The following NFXL1 variants were observed in gnomAD, a reference collection of about 807,000 sequenced individuals.
NFXL1 encodes the protein NF-X1-type zinc finger protein NFXL1.
NFXL1 carries 66 observed loss-of-function variants against 123.3 expected under a neutral mutation model. That is an observed-to-expected ratio of 0.54 (90% CI 0.44 to 0.66). NFXL1 has a LOEUF of 0.66. Among genes scored for constraint, NFXL1 ranks in the 30% least tolerant of loss-of-function variants. The probability of loss-of-function intolerance (pLI) is 0.00; values close to 1 mark genes in which losing one functional copy is unlikely to be tolerated. For synonymous variants in NFXL1, 346 were observed against 360.8 expected, an observed-to-expected ratio of 0.96 and a Z score of 0.46; for missense variants, 944 against 1,125.6, an observed-to-expected ratio of 0.84 and a Z score of 2.31.
intron 22 of NFXL1, among the ~76,000 whole-genome samples, chr4:47,849,961 T>A (rs969216708): frequency 5.9e-5 from 9 of 152,098 alleles, no homozygotes; most frequent in South Asian, 2.1e-4. Flanking sequence ...TATTTTTTTT[T>A]TTTTTTACTT....
Position 47,879,113 on chromosome 4 carries a change from A to AT in NFXL1, c.1920dup (p.Cys641MetfsTer6). 7.3e-7 allele frequency: 1 copy of AT among 1,362,242 alleles called. No individual in the cohort carries two copies. Among genetic ancestry groups the AT allele is most frequent in the South Asian group, 1.5e-5 (1 of 66,538 alleles). The allele number at this position is 1,362,242 out of a possible 1,614,324, so 84.4% of individuals were successfully genotyped here. Reference sequence around the variant, plus strand: ...TAACTTACCTCATGTTTCCCAAGACATTCCCTACAAGGAAAAAATAAAATA... The same window carrying AT: ...TAACTTACCTCATGTTTCCCAAGACATTTCCCTACAAGGAAAAAATAAAATA... On this transcript the variant is annotated frameshift_variant, in exon 16 of 23. Coordinates refer to ENST00000507489, the MANE Select transcript of NFXL1 (RefSeq NM_001278624.2). LOFTEE classifies it high-confidence loss of function.
Position 47,848,034 on chromosome 4 carries a change from C to A in NFXL1, c.*129G>T. ...AAAGTTTAACATTCTGTCCTTCTAACAACAGCTGAGAGAATACAGAGATGA... is the reference window on the plus strand; with the variant it reads ...AAAGTTTAACATTCTGTCCTTCTAAAAACAGCTGAGAGAATACAGAGATGA... On this transcript the variant is annotated 3_prime_UTR_variant, in exon 23 of 23. Coordinates refer to ENST00000507489, the MANE Select transcript of NFXL1 (RefSeq NM_001278624.2). The A allele has an allele frequency of 1.7e-6, 1 of 590,272 alleles. No individual in the cohort carries two copies. Among genetic ancestry groups the A allele is most frequent in the East Asian group, 2.9e-5 (1 of 34,534 alleles). 36.6% of individuals were successfully genotyped at this position (590,272 alleles called of 1,614,324 possible). A position where few individuals can be genotyped will look rare whatever the true frequency, so the allele number is the denominator to read the frequency against.
chr4:47,875,744 T>C (rs1010536237), intron 17 of NFXL1, among the ~76,000 whole-genome samples: 1 of 152,162 alleles, frequency 6.6e-6, no homozygotes, highest in African/African-American at 2.4e-5. Flanking sequence ...CTAAACAGTC[T>C]GGAGGTAATT....
Position 47,890,520 on chromosome 4 carries a change from G to A in NFXL1, c.1543+93C>T, listed in dbSNP as rs1370682381. On this transcript the variant is annotated intron_variant, in intron 12 of 22. Coordinates refer to ENST00000507489, the MANE Select transcript of NFXL1 (RefSeq NM_001278624.2). ...TCAAGTGAGATAATGACTATAAAACGCTATTTCAATACATTATATTGAATA... is the reference window on the plus strand; with the variant it reads ...TCAAGTGAGATAATGACTATAAAACACTATTTCAATACATTATATTGAATA... 5.2e-5 allele frequency: 36 copies of A among 694,630 alleles called. No individual in the cohort carries two copies. In the East Asian group the frequency reaches 6.5e-4, roughly 13 times the overall value. 43.0% of individuals were successfully genotyped at this position (694,630 alleles called of 1,614,324 possible). A position where few individuals can be genotyped will look rare whatever the true frequency, so the allele number is the denominator to read the frequency against.
intron 18 of NFXL1, among the ~76,000 whole-genome samples, chr4:47,863,637 A>G (rs1189426019): frequency 6.6e-6 from 1 of 152,182 alleles, no homozygotes; most frequent in Non-Finnish European, 1.5e-5. Context: ...AGTCAAGATC[A>G]TGACACTGCA....
chr4:47,905,638 C>A (rs1018319720), intron 3 of NFXL1, among the ~76,000 whole-genome samples: 1 of 149,762 alleles, frequency 6.7e-6, no homozygotes. Flanking sequence ...GAAGCAGAGC[C>A]ATAAGCAACA....
chr4:47,911,493 A>T (rs1000792368), intron 2 of NFXL1, among the ~76,000 whole-genome samples: 1 of 152,230 alleles, frequency 6.6e-6, no homozygotes, highest in Non-Finnish European at 1.5e-5. Context: ...AGCCCTACCA[A>T]AGAGTTTGTA....
intron 2 of NFXL1, 40 bp from the exon 3 acceptor site, chr4:47,911,034 T>G (rs1737807616): frequency 1.6e-6 from 2 of 1,272,658 alleles, no homozygotes; most frequent in Non-Finnish European, 1.1e-6. Context: ...CAAAACAATC[T>G]CTCAAAAAGA....
chr4:47,861,637 C>A (rs1257756705), intron 19 of NFXL1, among the ~76,000 whole-genome samples: 1 of 151,188 alleles, frequency 6.6e-6, no homozygotes, highest in African/African-American at 2.4e-5. Flanking sequence ...TTTATTTTAA[C>A]AAGGGAAGTT....
intron 5 of NFXL1, among the ~76,000 whole-genome samples, chr4:47,902,512 T>C (rs924242818): frequency 6.6e-6 from 1 of 152,148 alleles, no homozygotes; most frequent in African/African-American, 2.4e-5. Context: ...ACTGGGAATC[T>C]TATAATCAAA....
At chr4:47,900,199 G>C (rs896746093) in intron 5 of NFXL1, among the ~76,000 whole-genome samples, 2 of 151,912 alleles carry the variant, frequency 1.3e-5, no homozygotes, top group Non-Finnish European at 2.9e-5. Context: ...AGCACAAAAA[G>C]ACATATAATT....
At chr4:47,877,068 T>G in intron 17 of NFXL1, 1 of 1,187,480 alleles carries the variant, frequency 8.4e-7, no homozygotes, top group Non-Finnish European at 1.1e-6. Flanking sequence ...AAATCTTCTA[T>G]TTAAATAACA....
At chr4:47,890,228 A>G (rs2110086474) in intron 12 of NFXL1, among the ~76,000 whole-genome samples, 1 of 152,292 alleles carries the variant, frequency 6.6e-6, no homozygotes, top group East Asian at 1.9e-4. Flanking sequence ...TTAACTACAA[A>G]TAAGTATATA....
At chr4:47,884,538 G>A (rs763527845) in intron 14 of NFXL1, 101 bp from the exon 15 acceptor site, 10 of 642,458 alleles carry the variant, frequency 1.6e-5, no homozygotes, top group Non-Finnish European at 2.7e-5. Context: ...TGCTCAAGCA[G>A]GTTGAAATTT....
At position 47,894,297 on chromosome 4, in the gene NFXL1, C is replaced by T; in HGVS notation, c.1335G>A (p.Val445=). ...RGPCETCRQE[V]EKHCRCGKHT... is the part of the protein sequence containing the mutation. The stretch of plus-strand genomic sequence containing the variant: ...GCTTTCCACAGCGACAATGCTTTTC[C>T]ACTTCCTGGAAGAATAAAAGAAATG... The change falls in exon 11 of 23, where the codon GTG becomes GTA. Residue 445 remains valine (V), a synonymous_variant. Transcript: ENST00000507489. The T allele has an allele frequency of 6.3e-7, 1 of 1,582,250 alleles. No individual in the cohort carries two copies. Among genetic ancestry groups the T allele is most frequent in the South Asian group, 1.2e-5 (1 of 85,132 alleles).
At chr4:47,865,780 C>G (rs533510301) in intron 18 of NFXL1, among the ~76,000 whole-genome samples, 1 of 151,998 alleles carries the variant, frequency 6.6e-6, no homozygotes, top group Non-Finnish European at 1.5e-5. Flanking sequence ...TGCCGGAGGC[C>G]GAGGAAGGTG....
chr4:47,868,795 G>A (rs1315024642), intron 18 of NFXL1, among the ~76,000 whole-genome samples: 1 of 152,120 alleles, frequency 6.6e-6, no homozygotes, highest in Non-Finnish European at 1.5e-5. Flanking sequence ...AAGAATTCAA[G>A]CCAAAAGTAT....
At chr4:47,902,995 A>G (rs1383787459) in intron 5 of NFXL1, among the ~76,000 whole-genome samples, 198 bp downstream of exon 5, 1 of 152,170 alleles carries the variant, frequency 6.6e-6, no homozygotes, top group African/African-American at 2.4e-5. Flanking sequence ...GTCTACTAAA[A>G]ATACAAAAAA....
In NFXL1 at chr4:47,855,069, C is replaced by T. The variant is rs867730155; in HGVS notation, c.2411G>A (p.Arg804Lys). 7.0e-7 allele frequency: 1 copy of T among 1,423,984 alleles called. No homozygotes were observed. The allele number at this position is 1,423,984 out of a possible 1,614,324, so 88.2% of individuals were successfully genotyped here. A position where few individuals can be genotyped will look rare whatever the true frequency, so the allele number is the denominator to read the frequency against. Residue 804 changes from arginine (R) to lysine (K), a missense_variant, in exon 20 of 23, where the codon AGA becomes AAA. Around this residue, in one of 4 missense-constraint regions of NFXL1, gnomAD observed 301 missense variants for 348.0 expected, o/e 0.86. Transcript: ENST00000507489. ...ACTTAAAATATTTACCTTTTTTATT[C>T]TTTTACAAGGACATCTAAGTTTTAC... is the stretch of plus-strand genomic sequence containing the variant. ...QKVKLRCPCKRIKKELQCNKV... is the reference protein window; with the variant it reads ...QKVKLRCPCKKIKKELQCNKV...
Sources: gnomAD v4.1 joint callset for allele counts (sites outside exome capture counted in the v4.1 genomes callset) on GRCh38, gnomAD v4.1.1 for gene constraint, gnomAD v4.1.1 regional missense constraint, MANE v1.5 for transcripts, NCBI Gene and HGNC (gene_info 2026-07-23, HGNC 2026-07-21) for gene names.